ACSS3: variants seen among roughly 807,000 people sequenced by gnomAD.
ACSS3 encodes the protein acyl-CoA synthetase short chain family member 3, also known as acyl-CoA synthetase short-chain family member 3, mitochondrial.
In ACSS3, 64 loss-of-function variants were observed where a neutral mutation model predicts 84.2. The ratio of observed to expected loss-of-function variants is 0.76; its 90% CI spans 0.62 to 0.94. The LOEUF is 0.94. Ranked by LOEUF, ACSS3 falls within the 40% of genes least tolerant of loss-of-function variation. ACSS3 has a pLI of 0.00. For missense variants in ACSS3, 815 were observed against 867.6 expected, an observed-to-expected ratio of 0.94 and a Z score of 0.76; for synonymous variants, 317 against 310.1, an observed-to-expected ratio of 1.02 and a Z score of -0.23.
At chr12:81,153,241 G>C (rs7299263) in intron 7 of ACSS3, among the ~76,000 whole-genome samples, 46,182 of 151,652 alleles carry the variant, frequency 0.3, 7,147 homozygotes, top group East Asian at 0.5. Context: ...AGCCCTGTCT[G>C]TACTAAAAAT....
rs773925058 is a variant in ACSS3, at chr12:81,255,071, A to T, written c.*149A>T. 2 of 701,138 alleles carry T rather than the reference A, an allele frequency of 2.9e-6. No homozygotes were observed. The highest frequency in any genetic ancestry group is 4.4e-6 in the Non-Finnish European group (2 of 453,928). The allele number at this position is 701,138 out of a possible 1,614,324, so 43.4% of individuals were successfully genotyped here. A position where few individuals can be genotyped will look rare whatever the true frequency, so the allele number is the denominator to read the frequency against. On this transcript the variant is annotated 3_prime_UTR_variant, in exon 16 of 16. Transcript: ENST00000548058. ...AAACTTGGCCTAAACAAATCTAATG[A>T]AAACATGTGAAAGACCTGTGCCTTT... is the stretch of plus-strand genomic sequence containing the variant.
In ACSS3 at chr12:81,078,138, G is replaced by A. The variant is rs993115907; in HGVS notation, c.18G>A (p.Leu6=). The part of the protein sequence containing the change: MKPSW[L]QCRKVTSAGG... ...CGGAGGAGATGAAACCGTCTTGGCTGCAGTGTCGTAAAGTCACCAGCGCCG... is the reference window on the plus strand; with the variant it reads ...CGGAGGAGATGAAACCGTCTTGGCTACAGTGTCGTAAAGTCACCAGCGCCG... Residue 6 remains leucine (L), a synonymous_variant, in exon 1 of 16, where the codon CTG becomes CTA. Transcript: ENST00000548058. 3 of 1,494,438 alleles carry A rather than the reference G, an allele frequency of 2.0e-6. No homozygotes were observed. The highest frequency in any genetic ancestry group is 2.8e-5 in the African/African-American group (2 of 70,442). The allele number at this position is 1,494,438 out of a possible 1,614,324, so 92.6% of individuals were successfully genotyped here.
At chr12:81,102,044 C>T (rs1157019130) in intron 1 of ACSS3, among the ~76,000 whole-genome samples, 1 of 46,202 alleles carries the variant, frequency 2.2e-5, no homozygotes, top group Non-Finnish European at 6.8e-5. Context: ...TTTATGCACA[C>T]GCACACACAC....
intron 2 of ACSS3, among the ~76,000 whole-genome samples, chr12:81,112,509 G>T (rs1038394670): frequency 2.2e-4 from 33 of 152,178 alleles, no homozygotes; most frequent in African/African-American, 7.2e-4. Flanking sequence ...TGTTTGTGCT[G>T]GTTCCCTGGT....
At chr12:81,141,277 C>T (rs1886079694) in intron 4 of ACSS3, among the ~76,000 whole-genome samples, 1 of 152,120 alleles carries the variant, frequency 6.6e-6, no homozygotes, top group Non-Finnish European at 1.5e-5. Flanking sequence ...TTCTATTAGA[C>T]CTGCTGTTTT....
intron 13 of ACSS3, among the ~76,000 whole-genome samples, chr12:81,240,927 C>G (rs950609306): frequency 9.9e-5 from 15 of 151,932 alleles, no homozygotes; most frequent in Non-Finnish European, 1.6e-4. Flanking sequence ...TGCTGGTGCA[C>G]TGCACCCACT....
chr12:81,124,539 C>T (rs1004574378), intron 2 of ACSS3: 4 of 152,142 alleles, frequency 2.6e-5, no homozygotes, highest in African/African-American at 9.7e-5. Context: ...CACGTAACTA[C>T]AAATATAGAT....
At chr12:81,192,275 G>A (rs2031610392) in intron 8 of ACSS3, among the ~76,000 whole-genome samples, 1 of 152,116 alleles carries the variant, frequency 6.6e-6, no homozygotes, top group African/African-American at 2.4e-5. Context: ...CAGCTACTTG[G>A]GAGGCTGAGG....
At chr12:81,250,788 A>C (rs139144369) in intron 13 of ACSS3, among the ~76,000 whole-genome samples, 1 of 152,152 alleles carries the variant, frequency 6.6e-6, no homozygotes, top group Non-Finnish European at 1.5e-5. Context: ...AGAAAAAGAG[A>C]TGTTCTTCAC....
At chr12:81,133,114 C>T (rs77864496) in intron 2 of ACSS3, among the ~76,000 whole-genome samples, 3 of 39,112 alleles carry the variant, frequency 7.7e-5, no homozygotes, top group Non-Finnish European at 1.3e-4. Flanking sequence ...ACACTAAAAT[C>T]GTGTTTTTTT....
intron 1 of ACSS3, among the ~76,000 whole-genome samples, chr12:81,080,282 G>T (rs1258545824): frequency 6.6e-6 from 1 of 151,820 alleles, no homozygotes; most frequent in Non-Finnish European, 1.5e-5. Context: ...CAATGTCCCA[G>T]CAAGTAGAGC....
At chr12:81,216,834 A>T in intron 9 of ACSS3, 67 bp from the exon 10 acceptor site, 3 of 1,345,428 alleles carry the variant, frequency 2.2e-6, no homozygotes, top group Non-Finnish European at 3.2e-6. Context: ...TAGAGTGTGC[A>T]TGTACTCAAG....
chr12:81,112,898 T>G (rs1208569424), intron 2 of ACSS3, among the ~76,000 whole-genome samples: 1 of 152,176 alleles, frequency 6.6e-6, no homozygotes, highest in African/African-American at 2.4e-5. Flanking sequence ...CTTGTCTTAG[T>G]AACATGAAAG....
chr12:81,234,892 AC>A (rs2033580845), intron 13 of ACSS3, among the ~76,000 whole-genome samples: 1 of 151,352 alleles, frequency 6.6e-6, no homozygotes. Flanking sequence ...AGAAAAAAAT[AC>A]TTTTCATTTT....
At chr12:81,220,299 T>A (rs900279895) in intron 11 of ACSS3, among the ~76,000 whole-genome samples, 1 of 152,060 alleles carries the variant, frequency 6.6e-6, no homozygotes, top group Non-Finnish European at 1.5e-5. Flanking sequence ...TTGCATATTT[T>A]TAAATAACTT....
chr12:81,252,562 A>C (rs190883219), intron 13 of ACSS3, among the ~76,000 whole-genome samples: 1 of 152,184 alleles, frequency 6.6e-6, no homozygotes, highest in Admixed American at 6.6e-5. Context: ...AATCTTTCAG[A>C]AAAAAAATTT....
intron 1 of ACSS3, among the ~76,000 whole-genome samples, chr12:81,097,190 C>G (rs1279293006): frequency 6.6e-6 from 1 of 152,148 alleles, no homozygotes; most frequent in Non-Finnish European, 1.5e-5. Context: ...AATTACTAGA[C>G]AGAGCTGCTC....
intron 13 of ACSS3, among the ~76,000 whole-genome samples, chr12:81,234,829 C>A (rs1356589616): frequency 6.6e-6 from 1 of 151,004 alleles, no homozygotes; most frequent in Non-Finnish European, 1.5e-5. Context: ...TTTGCAATTT[C>A]TTTTTCTAGT....
intron 1 of ACSS3, among the ~76,000 whole-genome samples, chr12:81,079,556 A>T (rs1045599738): frequency 2.0e-5 from 3 of 152,196 alleles, no homozygotes; most frequent in Non-Finnish European, 4.4e-5. Context: ...TGTGGGGATG[A>T]CATGGTGTTC....
Sources: gnomAD v4.1 joint callset for allele counts (sites outside exome capture counted in the v4.1 genomes callset) on GRCh38, gnomAD v4.1.1 for gene constraint, MANE v1.5 for transcripts, NCBI Gene and HGNC (gene_info 2026-07-23, HGNC 2026-07-21) for gene names.